The following KIR3DL2 variants were observed in gnomAD, a reference collection of about 807,000 sequenced individuals.
KIR3DL2 encodes the protein killer cell immunoglobulin like receptor, three Ig domains and long cytoplasmic tail 2.
A neutral mutation model predicts 41.6 loss-of-function variants in KIR3DL2; 42 were observed. The observed-to-expected ratio is 1.01, with a 90% CI of 0.79 to 1.31. The LOEUF is 1.31. Ranked by LOEUF, KIR3DL2 falls within the 50% of genes most tolerant of loss-of-function variation. The pLI is 0.00. For synonymous variants in KIR3DL2, 230 were observed against 221.3 expected (o/e 1.04, Z -0.35); for missense variants, 728 against 576.8 (o/e 1.26, Z -2.68).
In KIR3DL2 at chr19:54,853,990, C is replaced by T; in HGVS notation, c.599C>T (p.Pro200Leu). ...ACCTACAGATGTTATGGTTCTGTTC[C>T]TCACTCCCCCTATCAGTTGTCAGCT... Reference protein sequence around the residue: ...AGTYRCYGSVPHSPYQLSAPS... With the variant: ...AGTYRCYGSVLHSPYQLSAPS... Residue 200 changes from proline (P) to leucine (L), a missense_variant, in exon 4 of 9, where the codon CCT (proline) becomes CTT (leucine). By Grantham distance (98) the Pro-to-Leu change is moderately conservative. Transcript: ENST00000326321. 1.2e-6 allele frequency: 2 copies of T among 1,613,292 alleles called. No individual in the cohort carries two copies. The highest frequency in any genetic ancestry group is 1.1e-5 in the South Asian group (1 of 91,078).
At chr19:54,866,004 C>T (rs2065486634) in intron 7 of KIR3DL2, 95 bp downstream of exon 7, 3 of 1,196,058 alleles carry the variant, frequency 2.5e-6, no homozygotes, top group Non-Finnish European at 3.6e-6. Context: ...GCAGGATGGT[C>T]CCTGGCCCAA....
chr19:54,852,196 C>A lies in KIR3DL2; in HGVS notation c.269C>A (p.Ala90Glu). 1.2e-6 allele frequency: 2 copies of A among 1,612,402 alleles called. No homozygotes were observed. The highest frequency in any genetic ancestry group is 1.1e-5 in the South Asian group (1 of 91,050). ...FIMGPVTPAH[A>E]GTYRCRGSRP... ...ATGGGCCCTGTGACCCCAGCACATG[C>A]AGGGACCTACAGATGTCGGGGTTCA... Residue 90 changes from alanine (A) to glutamate (E), a missense_variant, in exon 3 of 9, where the codon GCA becomes GAA. Transcript: ENST00000326321.
chr19:54,864,083 A>G (rs1450188897), intron 6 of KIR3DL2, among the ~76,000 whole-genome samples: 1 of 152,122 alleles, frequency 6.6e-6, no homozygotes, highest in Admixed American at 6.5e-5. Flanking sequence ...ATGGCTAGCC[A>G]GTTTTCCCAG....
In KIR3DL2 at chr19:54,855,590, C is replaced by T. The variant is rs1453226773; in HGVS notation, c.656-29C>T. 50 of 1,607,402 alleles carry T rather than the reference C, an allele frequency of 3.1e-5. 1 individual carries two copies. In the Admixed American group the frequency reaches 8.3e-4, roughly 27 times the overall value. ...GGGAGCTGTGACAAGGAAGAACCTCCCTGAGGAAACTGCCTCTTCTCCTTC... is the reference window on the plus strand; with the variant it reads ...GGGAGCTGTGACAAGGAAGAACCTCTCTGAGGAAACTGCCTCTTCTCCTTC... On this transcript the variant is annotated intron_variant, in intron 4 of 8. Transcript: ENST00000326321.
Position 54,866,616 on chromosome 19 carries a change from C to G in KIR3DL2, c.1253C>G (p.Pro418Arg). 1 of 1,614,000 alleles carries G rather than the reference C, an allele frequency of 6.2e-7. No homozygotes were observed. The highest frequency in any genetic ancestry group is 8.5e-7 in the Non-Finnish European group (1 of 1,179,976). Residue 418 changes from proline to arginine, a missense_variant, in exon 9 of 9, where the codon CCC (proline) becomes CGC (arginine). Physicochemically the swap from Pro to Arg is moderately radical, Grantham distance 103. Coordinates refer to ENST00000326321, the MANE Select transcript of KIR3DL2 (RefSeq NM_006737.4). ...QRKISRPSQR[P>R]KTPLTDTSVY... The stretch of plus-strand genomic sequence containing the variant: ...AAAATCAGTCGCCCTTCTCAGAGGC[C>G]CAAGACACCCCTAACAGATACCAGC...
intron 2 of KIR3DL2, 53 bp from the exon 3 acceptor site, chr19:54,851,945 G>T (rs113333413): frequency 0.022 from 35,361 of 1,585,316 alleles, 669 homozygotes; most frequent in African/African-American, 0.055. Context: ...GCACAGGGAG[G>T]GAGGGGTGGC....
Position 54,855,757 on chromosome 19 carries a change from G to A in KIR3DL2, c.794G>A (p.Arg265Lys), listed in dbSNP as rs1601763069. Residue 265 changes from arginine to lysine, a missense_variant, in exon 5 of 9, where the codon AGG (arginine) becomes AAG (lysine). Physicochemically the swap from Arg to Lys is conservative, Grantham distance 26. Coordinates refer to ENST00000326321, the MANE Select transcript of KIR3DL2 (RefSeq NM_006737.4). ...AGGGAAGGGGAGGCCCATGAACGTA[G>A]GCTCCGTGCAGTGCCCAAGGTCAAC... is the stretch of plus-strand genomic sequence containing the variant. ...LSREGEAHER[R>K]LRAVPKVNRT... 1 of 1,613,532 alleles carries A rather than the reference G, an allele frequency of 6.2e-7. No individual in the cohort carries two copies. Among genetic ancestry groups the A allele is most frequent in the Admixed American group, 1.7e-5 (1 of 60,012 alleles).
At chr19:54,858,240 C>T (rs2064935063) in intron 5 of KIR3DL2, among the ~76,000 whole-genome samples, 1 of 149,998 alleles carries the variant, frequency 6.7e-6, no homozygotes, top group South Asian at 2.1e-4. Context: ...AATGTCTTCC[C>T]CATTATTTTC....
intron 1 of KIR3DL2, 60 bp downstream of exon 1, chr19:54,850,569 T>C (rs2064099193): frequency 5.7e-6 from 9 of 1,592,446 alleles, no homozygotes; most frequent in East Asian, 2.3e-5. Flanking sequence ...GGCCTAGAGG[T>C]AAAGATATGG....
rs1436333389 is a variant in KIR3DL2, at chr19:54,861,936, C to T, written c.1000+2807C>T. Among the ~76,000 whole-genome samples the T allele has an allele frequency of 2.0e-5, 3 of 151,956 alleles. No individual in the cohort carries two copies. The East Asian group carries it at 5.8e-4, about 29-fold the overall frequency. On this transcript the variant is annotated intron_variant, in intron 6 of 8. Transcript: ENST00000326321. The stretch of plus-strand genomic sequence containing the variant: ...CCTCACCCAAATCCCCCACCTCACC[C>T]CTACTTCCAATCACCTGTGGAGATA...
intron 5 of KIR3DL2, 58 bp downstream of exon 5, chr19:54,855,970 C>T (rs970593648): frequency 6.3e-7 from 1 of 1,581,678 alleles, no homozygotes; most frequent in African/African-American, 1.4e-5. Context: ...AGCTGAGGAG[C>T]TTCCTGCCGA....
Position 54,850,486 on chromosome 19 carries a change from C to G in KIR3DL2, c.11C>G (p.Thr4Arg). 1 of 1,606,242 alleles carries G rather than the reference C, an allele frequency of 6.2e-7. No homozygotes were observed. The highest frequency in any genetic ancestry group is 8.5e-7 in the Non-Finnish European group (1 of 1,178,978). The change falls in exon 1 of 9, where the codon ACG (threonine) becomes AGG (arginine). Residue 4 changes from threonine (T) to arginine (R), a missense_variant. By Grantham distance (71) the Thr-to-Arg change is moderately conservative. Coordinates refer to ENST00000326321, the MANE Select transcript of KIR3DL2 (RefSeq NM_006737.4). MSL[T>R]VVSMACVGFF... ...TGCACCGGCAGCACCATGTCGCTCA[C>G]GGTCGTCAGCATGGCGTGCGTTGGT...
chr19:54,851,319 A>T, intron 2 of KIR3DL2, 64 bp downstream of exon 2: 3 of 1,552,300 alleles, frequency 1.9e-6, no homozygotes. Flanking sequence ...CTGAAACAGG[A>T]GGGAAGTCCT....
chr19:54,865,772 T>G, intron 6 of KIR3DL2, 33 bp from the exon 7 acceptor site: 1 of 1,536,228 alleles, frequency 6.5e-7, no homozygotes, highest in Non-Finnish European at 9.0e-7. Context: ...ACTGCTATGA[T>G]TAGCTTCTTA....
At chr19:54,853,008 G>A (rs1312762115) in intron 3 of KIR3DL2, among the ~76,000 whole-genome samples, 9 of 151,220 alleles carry the variant, frequency 6.0e-5, no homozygotes, top group African/African-American at 2.0e-4. Context: ...GACTGGGGAG[G>A]CTGAGGCAAG....
At chr19:54,853,426 T>C (rs2064460277) in intron 3 of KIR3DL2, among the ~76,000 whole-genome samples, 1 of 151,782 alleles carries the variant, frequency 6.6e-6, no homozygotes, top group South Asian at 2.1e-4. Flanking sequence ...GCTGAGAGCC[T>C]GGACATGCAG....
At chr19:54,866,152 A>G (rs964319031) in intron 7 of KIR3DL2, among the ~76,000 whole-genome samples, 2 of 152,042 alleles carry the variant, frequency 1.3e-5, no homozygotes, top group African/African-American at 2.4e-5. Flanking sequence ...AGCTTCCATG[A>G]CAGGCAGAAA....
chr19:54,866,710 A>G lies in KIR3DL2; in HGVS notation c.1347A>G (p.Ser449=), dbSNP rs1171559162. The G allele has an allele frequency of 6.2e-7, 1 of 1,613,834 alleles. No homozygotes were observed. Among genetic ancestry groups the G allele is most frequent in the Non-Finnish European group, 8.5e-7 (1 of 1,179,954 alleles). ...TCTCCTGCCCACGAGCACCACAGTC[A>G]GGTCTTGAGGGGGTTTTCTAGGGAG... ...KVVSCPRAPQ[S]GLEGVF is the part of the protein sequence containing the mutation. The change falls in exon 9 of 9, where the codon TCA becomes TCG. Residue 449 remains serine (S), a synonymous_variant. Transcript: ENST00000326321.
At chr19:54,853,290 G>A (rs368674576) in intron 3 of KIR3DL2, among the ~76,000 whole-genome samples, 44 of 151,728 alleles carry the variant, frequency 2.9e-4, no homozygotes, top group African/African-American at 1.0e-3. Context: ...AGAAGGCACA[G>A]ACATGGCAGG....
Sources: allele counts gnomAD v4.1 joint callset (sites outside exome capture counted in the v4.1 genomes callset), GRCh38; gene constraint gnomAD v4.1.1; transcripts MANE v1.5; gene names NCBI Gene and HGNC (gene_info 2026-07-23, HGNC 2026-07-21).